The following XXYLT1 variants were observed in gnomAD, a reference collection of about 807,000 sequenced individuals.
The protein encoded by XXYLT1 is UDP-xylose:alpha-xyloside alpha-1,3-xylosyltransferase.
In XXYLT1, 20 loss-of-function variants were observed where a neutral mutation model predicts 28.9. The observed-to-expected ratio is 0.69, with a 90% confidence interval of 0.49 to 1.00. The LOEUF (loss-of-function observed/expected upper bound fraction) is 1.00. XXYLT1 is among the 50% of genes least tolerant of loss of function. The pLI is 0.00. For missense variants in XXYLT1, 542 were observed against 560.1 expected, an observed-to-expected ratio of 0.97 and a Z score of 0.33; for synonymous variants, 257 against 253.8, an observed-to-expected ratio of 1.01 and a Z score of -0.12.
chr3:195,192,108 A>G (rs375094258), intron 2 of XXYLT1, among the ~76,000 whole-genome samples: 2 of 152,358 alleles, frequency 1.3e-5, no homozygotes, highest in Non-Finnish European at 1.5e-5. Context: ...ATACTAGGCC[A>G]CAAAACAAGT....
chr3:195,144,694 G>C (rs1719739502), intron 3 of XXYLT1, among the ~76,000 whole-genome samples: 1 of 152,086 alleles, frequency 6.6e-6, no homozygotes, highest in Non-Finnish European at 1.5e-5. Context: ...CCTCCTTTCT[G>C]TTTCAGTTTC....
At chr3:195,143,816 A>ATATATTTTTTTTTTTT (rs1491248351) in intron 3 of XXYLT1, among the ~76,000 whole-genome samples, 1 of 78,946 alleles carries the variant, frequency 1.3e-5, no homozygotes, top group South Asian at 4.9e-4. Context: ...ATATATATAG[A>ATATATTTTTTTTTTTT]TATAGATATA....
chr3:195,175,732 GC>G, intron 2 of XXYLT1: 1 of 1,535,254 alleles, frequency 6.5e-7, no homozygotes, highest in South Asian at 1.2e-5. Context: ...CTGGACTGTA[GC>G]AGTGAGAAGC....
rs1048507474 is a variant in XXYLT1 at position 195,156,480 on chromosome 3, C to G, written c.754G>C (p.Gly252Arg). The change falls in exon 3 of 4, where the codon GGC becomes CGC. Residue 252 changes from glycine to arginine, a missense_variant. Physicochemically the swap from Gly to Arg is moderately radical, Grantham distance 125. Coordinates refer to ENST00000310380, the MANE Select transcript of XXYLT1 (RefSeq NM_152531.5). ...ACTGGCTGCATCTCCCGGGCTATGC[C>G]GATGATGGCGCCTGGCAGGAAACTG... is the stretch of plus-strand genomic sequence containing the variant. ...FDSFLPGAII[G>R]IAREMQPVYR... is the part of the protein sequence containing the mutation. The G allele has an allele frequency of 6.2e-6, 10 of 1,614,022 alleles. No individual in the cohort carries two copies. The highest frequency in any genetic ancestry group is 3.3e-5 in the Admixed American group (2 of 60,008).
chr3:195,256,563 G>A lies in XXYLT1; in HGVS notation c.504+13992C>T, dbSNP rs989429771. 1.1e-5 allele frequency: 11 copies of A among 985,212 alleles called. No homozygotes were observed. Among genetic ancestry groups the A allele is most frequent in the African/African-American group, 7.0e-5 (4 of 57,184 alleles). 61.0% of individuals were successfully genotyped at this position (985,212 alleles called of 1,614,324 possible). A position where few individuals can be genotyped will look rare whatever the true frequency, so the allele number is the denominator to read the frequency against. On this transcript the variant is annotated intron_variant, in intron 1 of 3. Transcript: ENST00000310380. The surrounding 1 kb of genome is among the most constrained non-coding windows in gnomAD (Gnocchi z 4.2). ...GGGAAGAGCAGCCTCCTCACACCCC[G>A]CAACTTCTCACCCGCACATTCAGGA...
intron 1 of XXYLT1, among the ~76,000 whole-genome samples, chr3:195,244,579 T>C (rs1407970345): frequency 2.7e-5 from 4 of 149,988 alleles, no homozygotes; most frequent in Non-Finnish European, 5.9e-5. Context: ...CTGACCAACA[T>C]GGAGAAACCC....
chr3:195,161,721 G>A (rs1211080492), intron 2 of XXYLT1, among the ~76,000 whole-genome samples: 2 of 147,720 alleles, frequency 1.4e-5, no homozygotes, highest in East Asian at 2.0e-4. Context: ...TGCAACCTCC[G>A]CCTCCCGGGT....
intron 3 of XXYLT1, among the ~76,000 whole-genome samples, chr3:195,100,722 C>T (rs906223251): frequency 8.5e-5 from 13 of 152,194 alleles, no homozygotes; most frequent in Non-Finnish European, 1.5e-5. Context: ...GAAAACCCAG[C>T]TCACAGGCCA....
At chr3:195,149,059 T>G (rs964751829) in intron 3 of XXYLT1, among the ~76,000 whole-genome samples, 4 of 152,182 alleles carry the variant, frequency 2.6e-5, no homozygotes, top group Non-Finnish European at 5.9e-5. Context: ...CTTTTGTATA[T>G]GTTGAAAGGT....
At chr3:195,114,485 C>T (rs917639895) in intron 3 of XXYLT1, among the ~76,000 whole-genome samples, 3 of 152,172 alleles carry the variant, frequency 2.0e-5, no homozygotes, top group African/African-American at 7.2e-5. Context: ...TCCCATGAGA[C>T]CCAAATCATT....
At chr3:195,096,833 T>C (rs1190019296) in intron 3 of XXYLT1, among the ~76,000 whole-genome samples, 1 of 152,236 alleles carries the variant, frequency 6.6e-6, no homozygotes, top group Non-Finnish European at 1.5e-5. Context: ...TGACTGAAAC[T>C]GTAGGTACTC....
intron 2 of XXYLT1, among the ~76,000 whole-genome samples, chr3:195,223,644 A>C (rs1169763285): frequency 6.6e-6 from 1 of 152,236 alleles, no homozygotes; most frequent in African/African-American, 2.4e-5. Context: ...AGCACGAATG[A>C]TGTCTGAAAA....
intron 3 of XXYLT1, among the ~76,000 whole-genome samples, chr3:195,093,562 G>A (rs1022604682): frequency 2.2e-4 from 33 of 149,626 alleles, no homozygotes; most frequent in African/African-American, 8.0e-4. Flanking sequence ...GATAGCATTG[G>A]GGGATATACC....
intron 1 of XXYLT1, chr3:195,247,840 T>G (rs1009249800): frequency 1.4e-6 from 1 of 702,398 alleles, no homozygotes; most frequent in African/African-American, 1.7e-5. Flanking sequence ...CTCACCATAG[T>G]GCAGCAGGAC....
In XXYLT1 at chr3:195,215,130, T is replaced by C. The variant is rs1723512639; in HGVS notation, c.652+11579A>G. Among the ~76,000 whole-genome samples, 26 of 151,216 alleles carry C rather than the reference T, an allele frequency of 1.7e-4. No homozygotes were observed. In the South Asian group the frequency reaches 5.5e-3, roughly 32 times the overall value. On this transcript the variant is annotated intron_variant, in intron 2 of 3. Coordinates refer to ENST00000310380, the MANE Select transcript of XXYLT1 (RefSeq NM_152531.5). ...ACAGACAAGCAAATGCTGAGAGATT[T>C]TGTCACCACCAGGCCTGCCCTAAAA...
intron 3 of XXYLT1, among the ~76,000 whole-genome samples, chr3:195,121,859 G>A (rs551985407): frequency 5.0e-4 from 76 of 152,272 alleles, no homozygotes; most frequent in Admixed American, 2.7e-3. Flanking sequence ...ATAATACTGG[G>A]TGCTGACCAA....
At chr3:195,107,584 G>C in intron 3 of XXYLT1, among the ~76,000 whole-genome samples, 1 of 21,846 alleles carries the variant, frequency 4.6e-5, no homozygotes, top group African/African-American at 2.2e-4. Flanking sequence ...GGGAGGAGGA[G>C]GGGGAGGAGG....
rs79714140 is a variant in XXYLT1, at chr3:195,074,829, G to A, written c.786-4718C>T. On this transcript the variant is annotated intron_variant, in intron 3 of 3. Transcript: ENST00000310380. The stretch of plus-strand genomic sequence containing the variant: ...CATCCTGGAGTTGTAGGACCACCAC[G>A]GAGCTCTAAGTACCCGTGTCCCTAG... Among the ~76,000 whole-genome samples the A allele has an allele frequency of 1.8e-3, 278 of 152,260 alleles. 1 individual carries two copies. The highest frequency in any genetic ancestry group is 6.4e-3 in the African/African-American group (266 of 41,540).
In XXYLT1 at chr3:195,250,804, G is replaced by A. The variant is rs367868498; in HGVS notation, c.504+19751C>T. Among the ~76,000 whole-genome samples the A allele has an allele frequency of 7.6e-4, 115 of 152,266 alleles. 2 individuals are homozygous for A. In the South Asian group the frequency reaches 0.023, roughly 30 times the overall value. ...CCTGCCAGGATGTAAGCGCTACAAG[G>A]CAGGGACTTTTCACCTGTTCTGTCT... On this transcript the variant is annotated intron_variant, in intron 1 of 3. Transcript: ENST00000310380.
Sources: gnomAD v4.1 joint callset for allele counts (sites outside exome capture counted in the v4.1 genomes callset) on GRCh38, gnomAD v4.1.1 for gene constraint, Gnocchi (gnomAD v3.1) non-coding constraint, MANE v1.5 for transcripts, NCBI Gene and HGNC (gene_info 2026-07-23, HGNC 2026-07-21) for gene names.